CRPPA: variants seen among roughly 807,000 people sequenced by gnomAD.
The protein encoded by CRPPA is D-ribitol-5-phosphate cytidylyltransferase.
A neutral mutation model predicts 52.0 loss-of-function variants in CRPPA; 43 were observed. That is an observed-to-expected ratio of 0.83 (90% CI 0.65 to 1.07). CRPPA has a LOEUF of 1.07. Ranked by LOEUF, CRPPA falls within the 50% of genes least tolerant of loss-of-function variation. CRPPA has a pLI of 0.00. For synonymous variants in CRPPA, 250 were observed against 203.5 expected, an observed-to-expected ratio of 1.23 and a Z score of -1.94; for missense variants, 629 against 551.7, an observed-to-expected ratio of 1.14 and a Z score of -1.40.
rs1175983977 is a variant in CRPPA, at chr7:16,411,611, C to G, written c.258-5274G>C. On this transcript the variant is annotated intron_variant, in intron 1 of 9. Coordinates refer to ENST00000407010, the MANE Select transcript of CRPPA (RefSeq NM_001101426.4). ...TGAGTCAGTAATGAACAAAGACTGACAGAATTCCTAACTTCTCAACCACAT... is the reference window on the plus strand; with the variant it reads ...TGAGTCAGTAATGAACAAAGACTGAGAGAATTCCTAACTTCTCAACCACAT... Among the ~76,000 whole-genome samples the G allele has an allele frequency of 2.6e-4, 39 of 151,348 alleles. 1 individual carries two copies. The Admixed American group carries it at 2.6e-3, about 10-fold the overall frequency.
In CRPPA at chr7:16,376,080, C is replaced by G. The variant is rs376232862; in HGVS notation, c.684+12G>C. 67 of 1,557,234 alleles carry G rather than the reference C, an allele frequency of 4.3e-5. No individual in the cohort carries two copies. The African/African-American group carries it at 7.2e-4, about 17-fold the overall frequency. On this transcript the variant is annotated intron_variant, in intron 3 of 9. Coordinates refer to ENST00000407010, the MANE Select transcript of CRPPA (RefSeq NM_001101426.4). ...CATAACAGCAGCTTATTCAAAAAGC[C>G]CAAATTCTTACCTGCTGATATGCTT...
chr7:16,396,374 C>G (rs992918547), intron 2 of CRPPA, among the ~76,000 whole-genome samples: 2 of 152,088 alleles, frequency 1.3e-5, no homozygotes, highest in Non-Finnish European at 2.9e-5. Context: ...ATGGTAACAC[C>G]TTACTCCTGC....
At chr7:16,236,946 G>A (rs973841367) in intron 8 of CRPPA, among the ~76,000 whole-genome samples, 1 of 112,182 alleles carries the variant, frequency 8.9e-6, no homozygotes, top group Non-Finnish European at 1.9e-5. Flanking sequence ...GCTTTCGTGC[G>A]CGCGCACACA....
At position 16,209,273 on chromosome 7, in the gene CRPPA, C is replaced by CTTTTTTTTTTT. The variant is rs34795937; in HGVS notation, c.1251+6782_1251+6792dup. 32 of 123,084 alleles carry CTTTTTTTTTTT rather than the reference C, an allele frequency of 2.6e-4. 3 individuals carry two copies. Among genetic ancestry groups the CTTTTTTTTTTT allele is most frequent in the Non-Finnish European group, 4.8e-4 (27 of 55,878 alleles). The allele number at this position is 123,084 out of a possible 1,614,324, so 7.6% of individuals were successfully genotyped here. On this transcript the variant is annotated intron_variant, in intron 9 of 9. Transcript: ENST00000407010. ...GGCCAAGTAATACGGTTCTAAGTGT[C>CTTTTTTTTTTT]TTTTTTTTTTTTTTTTTGAGACGAG...
At chr7:16,151,037 C>A (rs1342911872) in intron 9 of CRPPA, among the ~76,000 whole-genome samples, 3 of 152,150 alleles carry the variant, frequency 2.0e-5, no homozygotes, top group Non-Finnish European at 4.4e-5. Flanking sequence ...AGGACACATT[C>A]AAACCATAGC....
chr7:16,202,327 ACTAT>A (rs1193810618), intron 9 of CRPPA, among the ~76,000 whole-genome samples: 3 of 152,302 alleles, frequency 2.0e-5, no homozygotes, highest in South Asian at 4.1e-4. Context: ...TCAGGAATAC[ACTAT>A]CTATAGTATA....
intron 2 of CRPPA, among the ~76,000 whole-genome samples, chr7:16,397,306 T>C (rs949622977): frequency 1.3e-5 from 2 of 152,074 alleles, no homozygotes; most frequent in African/African-American, 4.8e-5. Flanking sequence ...CACTGACATG[T>C]AACTGACACG....
chr7:16,129,103 G>A (rs1258274365), intron 9 of CRPPA, among the ~76,000 whole-genome samples: 1 of 151,950 alleles, frequency 6.6e-6, no homozygotes, highest in Non-Finnish European at 1.5e-5. Context: ...TATTTTCAGG[G>A]GAAAATGACA....
chr7:16,285,563 T>C lies in CRPPA; in HGVS notation c.836-7337A>G, dbSNP rs189142387. On this transcript the variant is annotated intron_variant, in intron 5 of 9. Transcript: ENST00000407010. ...TCTACAGCATTTAAAGGTCACATAG[T>C]TTGATGTGATTTAACAGAGAGAAAA... Among the ~76,000 whole-genome samples, 650 of 152,254 alleles carry C rather than the reference T, an allele frequency of 4.3e-3. 6 individuals are homozygous for C. Among genetic ancestry groups the C allele is most frequent in the African/African-American group, 0.015 (611 of 41,556 alleles).
chr7:16,204,580 T>C (rs1278746453), intron 9 of CRPPA, among the ~76,000 whole-genome samples: 1 of 152,088 alleles, frequency 6.6e-6, no homozygotes, highest in Non-Finnish European at 1.5e-5. Flanking sequence ...CTACACAACA[T>C]ACGCATGTAA....
At chr7:16,091,854 A>C (rs1781845037) in intron 9 of CRPPA, 55 bp from the exon 10 acceptor site, 1 of 1,080,900 alleles carries the variant, frequency 9.3e-7, no homozygotes, top group Non-Finnish European at 1.3e-6. Context: ...GCCATGTGTT[A>C]AGTTTGATAA....
intron 9 of CRPPA, among the ~76,000 whole-genome samples, chr7:16,151,850 T>C (rs1783081675): frequency 6.6e-6 from 1 of 151,976 alleles, no homozygotes. Flanking sequence ...TGTAGGAAAT[T>C]ACAATATACT....
At chr7:16,105,405 T>C (rs1293021576) in intron 9 of CRPPA, among the ~76,000 whole-genome samples, 4 of 152,322 alleles carry the variant, frequency 2.6e-5, no homozygotes, top group Admixed American at 1.3e-4. Context: ...ACAGTTTCTA[T>C]GAGTTGATGG....
intron 9 of CRPPA, among the ~76,000 whole-genome samples, chr7:16,209,433 G>A (rs919230488): frequency 8.6e-5 from 13 of 151,770 alleles, no homozygotes; most frequent in African/African-American, 2.7e-4. Flanking sequence ...CACCACAATC[G>A]GCTAATTTTT....
intron 8 of CRPPA, among the ~76,000 whole-genome samples, chr7:16,256,019 G>C (rs947877931): frequency 1.5e-4 from 23 of 152,218 alleles, no homozygotes; most frequent in African/African-American, 5.5e-4. Flanking sequence ...CTACAGTATG[G>C]GAGAAAATGT....
At chr7:16,260,973 T>TA (rs1204860019) in intron 6 of CRPPA, among the ~76,000 whole-genome samples, 2 of 152,050 alleles carry the variant, frequency 1.3e-5, no homozygotes, top group Non-Finnish European at 2.9e-5. Context: ...TGTATGTTCT[T>TA]AAAATGAACA....
chr7:16,248,624 G>A (rs149713191), intron 8 of CRPPA, among the ~76,000 whole-genome samples: 26 of 152,264 alleles, frequency 1.7e-4, no homozygotes, highest in African/African-American at 5.1e-4. Context: ...AACAGCTCCC[G>A]TCTGCAGCTC....
intron 8 of CRPPA, among the ~76,000 whole-genome samples, chr7:16,222,373 A>G (rs1262487486): frequency 6.7e-6 from 1 of 150,316 alleles, no homozygotes; most frequent in East Asian, 2.0e-4. Context: ...GCAGCGCACC[A>G]GCATGGCACA....
intron 2 of CRPPA, among the ~76,000 whole-genome samples, chr7:16,397,172 A>G (rs1482265040): frequency 6.6e-6 from 1 of 152,162 alleles, no homozygotes; most frequent in Non-Finnish European, 1.5e-5. Flanking sequence ...TGCCAATGAC[A>G]CGACACATTA....
Sources: gnomAD v4.1 joint callset for allele counts (sites outside exome capture counted in the v4.1 genomes callset) on GRCh38, gnomAD v4.1.1 for gene constraint, MANE v1.5 for transcripts, NCBI Gene and HGNC (gene_info 2026-07-23, HGNC 2026-07-21) for gene names.